EPSTI1: variants seen among roughly 807,000 people sequenced by gnomAD.
The protein encoded by EPSTI1 is epithelial-stromal interaction protein 1.
Under a neutral mutation model 49.9 loss-of-function variants are expected in EPSTI1, and 66 were observed. The ratio of observed to expected loss-of-function variants is 1.32; its 90% CI spans 1.08 to 1.62. EPSTI1 has a LOEUF of 1.62. EPSTI1 is among the 40% of genes most tolerant of loss of function. The probability of loss-of-function intolerance (pLI) is 0.00; values close to 1 mark genes in which losing one functional copy is unlikely to be tolerated. For missense variants in EPSTI1, 394 were observed against 365.5 expected (o/e 1.08, Z -0.64); for synonymous variants, 137 against 130.7 (o/e 1.05, Z -0.33).
At chr13:42,989,567 C>CTTTTTTCTTTTTTTTTT (rs1555271092) in intron 1 of EPSTI1, among the ~76,000 whole-genome samples, 1 of 79,022 alleles carries the variant, frequency 1.3e-5, no homozygotes. Flanking sequence ...CCTCTTTTTT[C>CTTTTTTCTTTTTTTTTT]TTTTTTTTTT....
intron 6 of EPSTI1, among the ~76,000 whole-genome samples, chr13:42,949,759 T>A (rs2039040548): frequency 6.6e-6 from 1 of 152,180 alleles, no homozygotes; most frequent in South Asian, 2.1e-4. Flanking sequence ...ACAAAATGAA[T>A]CTGTCCTGCT....
In EPSTI1 at chr13:42,926,529, T is replaced by G. The variant is rs74062849; in HGVS notation, c.564-100A>C. 945 of 767,942 alleles carry G rather than the reference T, an allele frequency of 1.2e-3. 9 individuals are homozygous for G. In the African/African-American group the frequency reaches 0.014, roughly 12 times the overall value. 47.6% of individuals were successfully genotyped at this position (767,942 alleles called of 1,614,324 possible). A position where few individuals can be genotyped will look rare whatever the true frequency, so the allele number is the denominator to read the frequency against. On this transcript the variant is annotated intron_variant, in intron 6 of 10. Coordinates refer to ENST00000313624, the MANE Select transcript of EPSTI1 (RefSeq NM_033255.5). ...TAACCTAGACTTATTTGGGTGATGATTAAAATTATCTTCAGCAGAACAGAA... is the reference window on the plus strand; with the variant it reads ...TAACCTAGACTTATTTGGGTGATGAGTAAAATTATCTTCAGCAGAACAGAA...
At chr13:42,966,680 C>G (rs1446251289) in intron 3 of EPSTI1, among the ~76,000 whole-genome samples, 2 of 81,500 alleles carry the variant, frequency 2.5e-5, no homozygotes, top group Admixed American at 1.4e-4. Context: ...CCACCCCGGC[C>G]GGGAGGGAGG....
At position 42,897,099 on chromosome 13, in the gene EPSTI1, CAAA is replaced by C. The variant is rs200789783; in HGVS notation, c.816-1994_816-1992del. 3.8e-3 allele frequency among the ~76,000 whole-genome samples: 465 copies of C among 121,996 alleles called. 2 individuals carry two copies. The highest frequency in any genetic ancestry group is 8.1e-3 in the African/African-American group (267 of 33,050). 80.0% of individuals were successfully genotyped at this position (121,996 alleles called of 152,430 possible). A position where few individuals can be genotyped will look rare whatever the true frequency, so the allele number is the denominator to read the frequency against. On this transcript the variant is annotated intron_variant, in intron 9 of 10. Transcript: ENST00000313624. ...TGGGCGACAGAGCAAAACTCTGTCTCAAAAAAAAAAAAAAAAAATCCCATCACT... is the reference window on the plus strand; with the variant it reads ...TGGGCGACAGAGCAAAACTCTGTCTCAAAAAAAAAAAAAAATCCCATCACT...
At chr13:42,977,089 A>G (rs1196317678) in intron 1 of EPSTI1, among the ~76,000 whole-genome samples, 1 of 152,252 alleles carries the variant, frequency 6.6e-6, no homozygotes, top group Non-Finnish European at 1.5e-5. Context: ...TACAAAGCAT[A>G]ATGCTTTCAG....
intron 6 of EPSTI1, among the ~76,000 whole-genome samples, chr13:42,942,986 C>T (rs892674951): frequency 4.6e-5 from 7 of 152,136 alleles, no homozygotes; most frequent in Admixed American, 3.3e-4. Flanking sequence ...CCGCGCCCAG[C>T]CCTGATTCTT....
chr13:42,923,951 T>C (rs2038095200), intron 7 of EPSTI1, among the ~76,000 whole-genome samples: 1 of 152,246 alleles, frequency 6.6e-6, no homozygotes, highest in African/African-American at 2.4e-5. Context: ...AAAAATTATA[T>C]ATAAATTCTT....
At chr13:42,979,833 A>C (rs2039956314) in intron 1 of EPSTI1, among the ~76,000 whole-genome samples, 1 of 152,170 alleles carries the variant, frequency 6.6e-6, no homozygotes, top group Non-Finnish European at 1.5e-5. Flanking sequence ...TACCATTATC[A>C]CACCAAGAAA....
chr13:42,977,684 G>A (rs1160967752), intron 1 of EPSTI1, among the ~76,000 whole-genome samples: 2 of 152,174 alleles, frequency 1.3e-5, no homozygotes, highest in Admixed American at 6.5e-5. Context: ...GTGGTAATCC[G>A]TTGCTGTACT....
chr13:42,917,748 T>C, intron 7 of EPSTI1, 124 bp from the exon 8 acceptor site: 1 of 632,008 alleles, frequency 1.6e-6, no homozygotes, highest in East Asian at 2.6e-5. Flanking sequence ...ACTGAGCATA[T>C]AGTAAGCTCT....
At chr13:42,931,717 C>T (rs2038381099) in intron 6 of EPSTI1, among the ~76,000 whole-genome samples, 1 of 152,070 alleles carries the variant, frequency 6.6e-6, no homozygotes, top group African/African-American at 2.4e-5. Flanking sequence ...AGATTTTTGT[C>T]ATCTAACCAC....
chr13:42,897,240 T>A (rs1594608074), intron 9 of EPSTI1, among the ~76,000 whole-genome samples: 1 of 152,182 alleles, frequency 6.6e-6, no homozygotes, highest in African/African-American at 2.4e-5. Flanking sequence ...ATGTGGCTGG[T>A]TCTTCCTTGT....
intron 6 of EPSTI1, among the ~76,000 whole-genome samples, chr13:42,938,215 A>G (rs1242830002): frequency 6.6e-6 from 1 of 152,030 alleles, no homozygotes; most frequent in Non-Finnish European, 1.5e-5. Flanking sequence ...AAATATGCTA[A>G]CTTTGAGATG....
At chr13:42,930,892 A>C (rs1194428138) in intron 6 of EPSTI1, among the ~76,000 whole-genome samples, 1 of 152,122 alleles carries the variant, frequency 6.6e-6, no homozygotes, top group Non-Finnish European at 1.5e-5. Context: ...ACTTTGGGGG[A>C]GGATAATTAG....
At chr13:42,988,843 A>G (rs1332424597) in intron 1 of EPSTI1, among the ~76,000 whole-genome samples, 1 of 96,706 alleles carries the variant, frequency 1.0e-5, no homozygotes, top group East Asian at 2.5e-4. Flanking sequence ...TTCTATGCAA[A>G]TAGGTGGTTT....
At chr13:42,913,716 A>C (rs952278605) in intron 8 of EPSTI1, among the ~76,000 whole-genome samples, 7 of 152,226 alleles carry the variant, frequency 4.6e-5, no homozygotes, top group Non-Finnish European at 7.3e-5. Context: ...GCAATCAAAA[A>C]TATTTGACAC....
intron 1 of EPSTI1, among the ~76,000 whole-genome samples, chr13:42,989,267 A>G (rs557646158): frequency 2.0e-5 from 3 of 152,232 alleles, no homozygotes; most frequent in Admixed American, 2.0e-4. Flanking sequence ...TTTTACACAT[A>G]TACACGTGGA....
intron 8 of EPSTI1, among the ~76,000 whole-genome samples, chr13:42,901,879 T>C (rs2037364960): frequency 6.6e-6 from 1 of 152,102 alleles, no homozygotes. Context: ...ACTCGTCATC[T>C]AGCATTAGGT....
rs5803160 is a variant in EPSTI1, at chr13:42,968,954, A to ACAC, written c.331+139_331+140insGTG. On this transcript the variant is annotated intron_variant, in intron 3 of 10. Transcript: ENST00000313624. ...CACACACACACACACACACACACAC[A>ACAC]ATTAAATGCATTCCACCCAAGCAGC... is the stretch of plus-strand genomic sequence containing the variant. The ACAC allele has an allele frequency of 2.4e-3, 1,286 of 540,302 alleles. 103 individuals carry two copies. Among genetic ancestry groups the ACAC allele is most frequent in the Middle Eastern group, 6.1e-3 (11 of 1,796 alleles). The allele number at this position is 540,302 out of a possible 1,614,324, so 33.5% of individuals were successfully genotyped here.
Sources: gnomAD v4.1 joint callset for allele counts (sites outside exome capture counted in the v4.1 genomes callset) on GRCh38, gnomAD v4.1.1 for gene constraint, MANE v1.5 for transcripts, NCBI Gene and HGNC (gene_info 2026-07-23, HGNC 2026-07-21) for gene names.